ROCK2: variants seen among roughly 807,000 people sequenced by gnomAD.
The protein encoded by ROCK2 is Rho associated coiled-coil containing protein kinase 2.
ROCK2 carries 61 observed loss-of-function variants against 195.1 expected under a neutral mutation model. The observed-to-expected ratio is 0.31, with a 90% confidence interval of 0.25 to 0.39. The LOEUF (loss-of-function observed/expected upper bound fraction) is 0.39. Among genes scored for constraint, ROCK2 ranks in the 10% least tolerant of loss-of-function variants. The pLI, the probability that ROCK2 is intolerant of heterozygous loss-of-function variation, is 1.00. For synonymous variants in ROCK2, 504 were observed against 545.5 expected, an observed-to-expected ratio of 0.92 and a Z score of 1.06; for missense variants, 1,109 against 1,637.4, an observed-to-expected ratio of 0.68 and a Z score of 5.57.
At position 11,207,778 on chromosome 2, in the gene ROCK2, G is replaced by A. The variant is rs1325128410; in HGVS notation, c.2497C>T (p.His833Tyr). Reference protein sequence around the residue: ...SEKQLKQENNHLMEMKMNLEK... With the variant: ...SEKQLKQENNYLMEMKMNLEK... Reference sequence around the variant, plus strand: ...AAGTTCATTTTCATTTCCATGAGATGGTTATTTTCTTGCTTTAACTGCTTT... The same window carrying A: ...AAGTTCATTTTCATTTCCATGAGATAGTTATTTTCTTGCTTTAACTGCTTT... The change falls in exon 20 of 33, where the codon CAT becomes TAT. Residue 833 changes from histidine (H) to tyrosine (Y), a missense_variant. Physicochemically the swap from His to Tyr is moderately conservative, Grantham distance 83. Transcript: ENST00000315872. The A allele has an allele frequency of 6.2e-7, 1 of 1,606,716 alleles. No individual in the cohort carries two copies. Among genetic ancestry groups the A allele is most frequent in the East Asian group, 2.2e-5 (1 of 44,556 alleles).
chr2:11,252,981 A>AATG (rs1232161571), intron 3 of ROCK2, among the ~76,000 whole-genome samples: 3 of 137,708 alleles, frequency 2.2e-5, no homozygotes, highest in African/African-American at 2.7e-5. Context: ...TAATAATAAT[A>AATG]ATATTTAAAG....
chr2:11,344,799 C>T (rs1039448350), upstream of ROCK2, among the ~76,000 whole-genome samples: 2 of 150,788 alleles, frequency 1.3e-5, no homozygotes, highest in African/African-American at 2.4e-5. The surrounding 1 kb of genome is among the most constrained non-coding windows in gnomAD (Gnocchi z 5.4). Context: ...TCCTCTGCGC[C>T]CCTTCCTCGC....
chr2:11,216,237 A>C (rs1286618512), intron 12 of ROCK2, 31 bp from the exon 13 acceptor site: 1 of 1,449,340 alleles, frequency 6.9e-7, no homozygotes, highest in Non-Finnish European at 9.7e-7. Context: ...ACAGTAAATA[A>C]CTTCTAATTT....
intron 32 of ROCK2, among the ~76,000 whole-genome samples, chr2:11,191,177 T>C (rs1663407975): frequency 6.6e-6 from 1 of 152,238 alleles, no homozygotes; most frequent in Admixed American, 6.5e-5. Flanking sequence ...ATATGCTTTT[T>C]CCTTTAGCTA....
At position 11,214,871 on chromosome 2, in the gene ROCK2, G is replaced by A; in HGVS notation, c.1905C>T (p.Thr635=). The change falls in exon 16 of 33, where the codon ACC becomes ACT. Residue 635 remains threonine (T), a synonymous_variant. Coordinates refer to ENST00000315872, the MANE Select transcript of ROCK2 (RefSeq NM_004850.5). The stretch of plus-strand genomic sequence containing the variant: ...AATCATTAATTATCTCTGATCCATG[G>A]GTTCGATCCCTCCTTTCAGATTCTA... The part of the protein sequence containing the change: ...SALESERRDR[T]HGSEIINDLQ... 1.2e-6 allele frequency: 2 copies of A among 1,612,534 alleles called. No homozygotes were observed. The highest frequency in any genetic ancestry group is 1.7e-6 in the Non-Finnish European group (2 of 1,179,754).
At position 11,201,563 on chromosome 2, in the gene ROCK2, C is replaced by G; in HGVS notation, c.2620-150G>C. The G allele has an allele frequency of 1.7e-6, 1 of 594,732 alleles. No individual in the cohort carries two copies. 36.8% of individuals were successfully genotyped at this position (594,732 alleles called of 1,614,324 possible). A position where few individuals can be genotyped will look rare whatever the true frequency, so the allele number is the denominator to read the frequency against. On this transcript the variant is annotated intron_variant, in intron 21 of 32. Transcript: ENST00000315872. The surrounding 1 kb of genome is among the most constrained non-coding windows in gnomAD (Gnocchi z 4.6). The stretch of plus-strand genomic sequence containing the variant: ...GCAAATGAATAGTTTAATGAACTTT[C>G]CTATTTCTAGTCATCAATTAACTAA...
chr2:11,317,484 A>G (rs1038051592), intron 1 of ROCK2, among the ~76,000 whole-genome samples: 1 of 148,652 alleles, frequency 6.7e-6, no homozygotes, highest in Non-Finnish European at 1.5e-5. Context: ...AAGGAAATAA[A>G]GGACATAAAA....
chr2:11,262,482 T>C (rs1015892403), intron 3 of ROCK2, among the ~76,000 whole-genome samples: 1 of 152,170 alleles, frequency 6.6e-6, no homozygotes, highest in African/African-American at 2.4e-5. Context: ...TCCCATATGT[T>C]GTGGGAGGGA....
chr2:11,302,531 G>A (rs965958171), intron 1 of ROCK2, among the ~76,000 whole-genome samples: 8 of 152,000 alleles, frequency 5.3e-5, no homozygotes, highest in East Asian at 3.9e-4. Flanking sequence ...TTGCCCCATC[G>A]ACCTTCTCCA....
At chr2:11,344,737 A>C (rs1461126564), upstream of ROCK2, among the ~76,000 whole-genome samples, 1 of 146,040 alleles carries the variant, frequency 6.8e-6, no homozygotes, top group Admixed American at 6.8e-5. The surrounding 1 kb of genome is among the most constrained non-coding windows in gnomAD (Gnocchi z 5.4). Flanking sequence ...CGCCCCGCGC[A>C]CCGCGCTTCC....
chr2:11,286,478 T>C, intron 3 of ROCK2, 61 bp downstream of exon 3: 1 of 1,082,448 alleles, frequency 9.2e-7, no homozygotes, highest in South Asian at 1.3e-5. Context: ...CAGCTGCTAT[T>C]GATAATGCTT....
intron 3 of ROCK2, among the ~76,000 whole-genome samples, chr2:11,270,294 T>C (rs1666581424): frequency 6.6e-6 from 1 of 152,168 alleles, no homozygotes; most frequent in Admixed American, 6.5e-5. Context: ...GGCTTTTTCT[T>C]ATGCTTGGTT....
intron 1 of ROCK2, chr2:11,307,994 G>A: frequency 6.6e-7 from 1 of 1,506,592 alleles, no homozygotes. Context: ...TGCTGGGGTA[G>A]GGGCAGGAGG....
intron 1 of ROCK2, among the ~76,000 whole-genome samples, chr2:11,320,775 C>T (rs1225938248): frequency 1.3e-5 from 2 of 152,124 alleles, no homozygotes; most frequent in African/African-American, 2.4e-5. Context: ...CTATCATGGC[C>T]ACTTCCAGGT....
intron 27 of ROCK2, among the ~76,000 whole-genome samples, chr2:11,195,959 G>A (rs1465420924): frequency 6.6e-6 from 1 of 152,172 alleles, no homozygotes; most frequent in Non-Finnish European, 1.5e-5. Flanking sequence ...AATGACATTT[G>A]ATCAATGTCT....
chr2:11,305,421 G>A (rs1178179877), intron 1 of ROCK2, among the ~76,000 whole-genome samples: 1 of 143,714 alleles, frequency 7.0e-6, no homozygotes, highest in African/African-American at 2.6e-5. Context: ...AAATATAGAT[G>A]TAGATAAATG....
chr2:11,241,417 C>T (rs928201971), intron 4 of ROCK2, among the ~76,000 whole-genome samples: 10 of 152,202 alleles, frequency 6.6e-5, no homozygotes, highest in African/African-American at 2.4e-4. Context: ...GAGACAGAAG[C>T]TGAGACAGAA....
intron 20 of ROCK2, 142 bp from the exon 21 acceptor site, chr2:11,202,263 T>TGA (rs2148045848): frequency 1.4e-6 from 1 of 713,152 alleles, no homozygotes; most frequent in South Asian, 1.6e-5. Context: ...TTCATAATAC[T>TGA]GAGCACCATG....
At chr2:11,256,670 G>A (rs547478820) in intron 3 of ROCK2, among the ~76,000 whole-genome samples, 5 of 151,198 alleles carry the variant, frequency 3.3e-5, no homozygotes, top group African/African-American at 1.2e-4. Flanking sequence ...CATGCAAACT[G>A]CAAGGGTAAA....
Sources: allele counts gnomAD v4.1 joint callset (sites outside exome capture counted in the v4.1 genomes callset), GRCh38; gene constraint gnomAD v4.1.1; non-coding constraint Gnocchi (gnomAD v3.1); transcripts MANE v1.5; gene names NCBI Gene and HGNC (gene_info 2026-07-23, HGNC 2026-07-21).